The following GRM7 variants were observed in gnomAD, a reference collection of about 807,000 sequenced individuals.
GRM7 encodes the protein metabotropic glutamate receptor 7.
Under a neutral mutation model 84.5 loss-of-function variants are expected in GRM7, and 35 were observed. The ratio of observed to expected loss-of-function variants is 0.41; its 90% confidence interval spans 0.32 to 0.55. The LOEUF (loss-of-function observed/expected upper bound fraction) is 0.55. Ranked by LOEUF, GRM7 falls within the 20% of genes least tolerant of loss-of-function variation. The pLI is 0.19. For missense variants in GRM7, 1,003 were observed against 1,194.6 expected (o/e 0.84, Z 2.36); for synonymous variants, 487 against 455.1 (o/e 1.07, Z -0.89).
intron 4 of GRM7, among the ~76,000 whole-genome samples, chr3:7,392,812 C>T (rs1241605711): frequency 6.6e-6 from 1 of 152,174 alleles, no homozygotes; most frequent in Non-Finnish European, 1.5e-5. Flanking sequence ...CCTGGGCAAA[C>T]TTTGTGGGTG....
chr3:6,959,365 A>AT (rs535661035), intron 1 of GRM7, among the ~76,000 whole-genome samples: 34 of 152,150 alleles, frequency 2.2e-4, no homozygotes, highest in African/African-American at 6.5e-4. Flanking sequence ...TCAAAACTAG[A>AT]TTTTTTTTCC....
At chr3:6,902,391 A>T (rs997239704) in intron 1 of GRM7, among the ~76,000 whole-genome samples, 4 of 152,188 alleles carry the variant, frequency 2.6e-5, no homozygotes, top group African/African-American at 9.6e-5. Context: ...TATCATTTGG[A>T]GAAAGAATTT....
At chr3:7,244,904 T>C (rs1384575486) in intron 2 of GRM7, among the ~76,000 whole-genome samples, 1 of 152,064 alleles carries the variant, frequency 6.6e-6, no homozygotes, top group Admixed American at 6.6e-5. Context: ...TCATTATAAC[T>C]ATGTTTAAGA....
chr3:6,944,669 T>G (rs1697999295), intron 1 of GRM7, among the ~76,000 whole-genome samples: 1 of 152,202 alleles, frequency 6.6e-6, no homozygotes, highest in African/African-American at 2.4e-5. Context: ...GTACTTTTGC[T>G]ATCTGGATAA....
rs1345527091 is a variant in GRM7 at position 6,928,159 on chromosome 3, T to C, written c.519+66252T>C. ...CACATCCCTCATTGATCCTGTTGCC[T>C]CTTCCAAGCACGTTGCTTGGTTTGC... On this transcript the variant is annotated intron_variant, in intron 1 of 9. Transcript: ENST00000357716. This position sits in a 1 kb window ranked among gnomAD's most constrained non-coding sequence, Gnocchi z 4.5. 6.6e-6 allele frequency among the ~76,000 whole-genome samples: 1 copy of C among 152,030 alleles called. No individual in the cohort carries two copies. Among genetic ancestry groups the C allele is most frequent in the Non-Finnish European group, 1.5e-5 (1 of 67,996 alleles).
chr3:7,487,748 G>T (rs1415778257), intron 7 of GRM7, among the ~76,000 whole-genome samples: 1 of 152,222 alleles, frequency 6.6e-6, no homozygotes, highest in Non-Finnish European at 1.5e-5. Context: ...CCCAGGCAGA[G>T]ACTTGTGGCT....
intron 2 of GRM7, among the ~76,000 whole-genome samples, chr3:7,205,801 A>T (rs1360193787): frequency 6.6e-6 from 1 of 152,194 alleles, no homozygotes; most frequent in African/African-American, 2.4e-5. Flanking sequence ...CAAAAGAGAA[A>T]TGTGTATTGA....
chr3:7,057,290 A>G (rs1287180524), intron 1 of GRM7, among the ~76,000 whole-genome samples: 3 of 151,960 alleles, frequency 2.0e-5, no homozygotes, highest in African/African-American at 7.2e-5. Flanking sequence ...TACCTCTGAT[A>G]TCTGTTTACC....
At chr3:7,469,553 T>G (rs1698609411) in intron 7 of GRM7, among the ~76,000 whole-genome samples, 1 of 152,202 alleles carries the variant, frequency 6.6e-6, no homozygotes, top group Admixed American at 6.5e-5. Flanking sequence ...ATCAAACCAT[T>G]GAAGCTAGTT....
rs1484935911 is a variant in GRM7, at chr3:6,919,566, TC to T, written c.519+57660del. 2.9e-5 allele frequency among the ~76,000 whole-genome samples: 4 copies of T among 138,038 alleles called. No homozygotes were observed. The East Asian group carries it at 8.0e-4, about 28-fold the overall frequency. 90.6% of individuals were successfully genotyped at this position (138,038 alleles called of 152,430 possible). On this transcript the variant is annotated intron_variant, in intron 1 of 9. Transcript: ENST00000357716. The stretch of plus-strand genomic sequence containing the variant: ...TAGAAAAACATTATTGTATTGTTCA[TC>T]TTTTTTTTTTTTTTGGACACGCTGA...
chr3:7,502,958 G>C (rs531095834), intron 7 of GRM7, among the ~76,000 whole-genome samples: 10 of 152,260 alleles, frequency 6.6e-5, no homozygotes, highest in African/African-American at 2.2e-4. Context: ...ATGTGACTTA[G>C]GAATCTCAGT....
intron 2 of GRM7, among the ~76,000 whole-genome samples, chr3:7,272,638 A>T (rs1030674081): frequency 3.9e-5 from 6 of 152,064 alleles, no homozygotes; most frequent in African/African-American, 1.4e-4. Context: ...CTAGGCACAG[A>T]GTTGTTCATA....
In GRM7 at chr3:7,367,932, A is replaced by G. The variant is rs1479387064; in HGVS notation, c.1034-47091A>G. Among the ~76,000 whole-genome samples the G allele has an allele frequency of 1.0e-3, 106 of 104,834 alleles. 1 individual carries two copies. Among genetic ancestry groups the G allele is most frequent in the Non-Finnish European group, 1.2e-3 (62 of 51,728 alleles). The allele number at this position is 104,834 out of a possible 152,430, so 68.8% of individuals were successfully genotyped here. A position where few individuals can be genotyped will look rare whatever the true frequency, so the allele number is the denominator to read the frequency against. On this transcript the variant is annotated intron_variant, in intron 4 of 9. Coordinates refer to ENST00000357716, the MANE Select transcript of GRM7 (RefSeq NM_000844.4). ...TGACTATTAAGGGAAAAGAAACATT[A>G]ATCCTCAAAAAAAAAAAAAAAGAAA...
chr3:7,090,724 C>G (rs1008500588), intron 1 of GRM7, among the ~76,000 whole-genome samples: 3 of 152,122 alleles, frequency 2.0e-5, no homozygotes, highest in Non-Finnish European at 4.4e-5. Flanking sequence ...ATTTAAGGAA[C>G]TCAAACTAGA....
At chr3:6,986,370 T>G (rs1458374291) in intron 1 of GRM7, among the ~76,000 whole-genome samples, 1 of 151,946 alleles carries the variant, frequency 6.6e-6, no homozygotes, top group Non-Finnish European at 1.5e-5. Context: ...GTGTTTTTGG[T>G]ATATCAATTA....
chr3:7,657,645 A>T (rs1699263783), intron 8 of GRM7, among the ~76,000 whole-genome samples: 1 of 152,156 alleles, frequency 6.6e-6, no homozygotes, highest in Non-Finnish European at 1.5e-5. Context: ...CTAGTCATGA[A>T]TGTGGAAGGG....
At chr3:6,984,688 T>A (rs74593576) in intron 1 of GRM7, among the ~76,000 whole-genome samples, 2 of 150,832 alleles carry the variant, frequency 1.3e-5, no homozygotes, top group African/African-American at 2.4e-5. Flanking sequence ...ACCCTGAATG[T>A]TTTTTTTTAG....
At chr3:7,237,958 A>G (rs1286122438) in intron 2 of GRM7, among the ~76,000 whole-genome samples, 1 of 152,200 alleles carries the variant, frequency 6.6e-6, no homozygotes, top group African/African-American at 2.4e-5. Context: ...AGCTAGACAC[A>G]GAGTGCTGAT....
At chr3:7,396,184 G>A (rs1695206402) in intron 4 of GRM7, among the ~76,000 whole-genome samples, 2 of 151,662 alleles carry the variant, frequency 1.3e-5, no homozygotes, top group African/African-American at 4.8e-5. Flanking sequence ...GAAAATTTTG[G>A]ACAAAACAAA....
Sources: gnomAD v4.1 joint callset for allele counts (sites outside exome capture counted in the v4.1 genomes callset) on GRCh38, gnomAD v4.1.1 for gene constraint, Gnocchi (gnomAD v3.1) non-coding constraint, MANE v1.5 for transcripts, NCBI Gene and HGNC (gene_info 2026-07-23, HGNC 2026-07-21) for gene names.